Variants in TTC28 observed in about 807,000 individuals in gnomAD.
TTC28 encodes the protein tetratricopeptide repeat protein 28.
A neutral mutation model predicts 198.0 loss-of-function variants in TTC28; 61 were observed. That is an observed-to-expected ratio of 0.31 (90% CI 0.25 to 0.38). The LOEUF is 0.38. Ranked by LOEUF, TTC28 falls within the 10% of genes least tolerant of loss-of-function variation. TTC28 has a pLI of 1.00. For synonymous variants in TTC28, 1,171 were observed against 1,297.8 expected (o/e 0.90, Z 2.10); for missense variants, 2,678 against 3,164.0 (o/e 0.85, Z 3.69).
chr22:28,037,148 TC>T (rs1439129531), intron 12 of TTC28, among the ~76,000 whole-genome samples: 2 of 152,172 alleles, frequency 1.3e-5, no homozygotes, highest in African/African-American at 4.8e-5. Context: ...AAAGAGGGAA[TC>T]CTCCCTAACT....
At chr22:28,579,294 T>C (rs570058437) in intron 2 of TTC28, among the ~76,000 whole-genome samples, 7 of 149,718 alleles carry the variant, frequency 4.7e-5, no homozygotes, top group Admixed American at 3.3e-4. Context: ...TATACGTATA[T>C]AGCTATATAT....
chr22:28,322,028 C>G (rs1439001708), intron 2 of TTC28, among the ~76,000 whole-genome samples: 1 of 152,110 alleles, frequency 6.6e-6, no homozygotes, highest in Non-Finnish European at 1.5e-5. Context: ...GACAGGGTTT[C>G]ACCATATTGG....
chr22:28,172,593 G>C (rs527741971), intron 5 of TTC28, among the ~76,000 whole-genome samples: 1 of 152,178 alleles, frequency 6.6e-6, no homozygotes, highest in Non-Finnish European at 1.5e-5. Flanking sequence ...TGAACATAAG[G>C]AAGGGAATAT....
At chr22:28,610,833 C>G (rs1213077096) in intron 2 of TTC28, among the ~76,000 whole-genome samples, 1 of 151,996 alleles carries the variant, frequency 6.6e-6, no homozygotes, top group African/African-American at 2.4e-5. Flanking sequence ...GAAAAAAGGT[C>G]AGACAAATTG....
chr22:28,360,807 T>TGG, intron 2 of TTC28, among the ~76,000 whole-genome samples: 1 of 152,340 alleles, frequency 6.6e-6, no homozygotes, highest in East Asian at 1.9e-4. Flanking sequence ...GCAAGTCTAT[T>TGG]GGCACCATTT....
chr22:28,465,344 G>T (rs1490677662), intron 2 of TTC28, among the ~76,000 whole-genome samples: 1 of 151,814 alleles, frequency 6.6e-6, no homozygotes, highest in African/African-American at 2.4e-5. Flanking sequence ...CCTTATCCTG[G>T]GCCGGGCACC....
intron 2 of TTC28, among the ~76,000 whole-genome samples, chr22:28,502,335 C>T (rs544197604): frequency 1.3e-5 from 2 of 152,142 alleles, no homozygotes; most frequent in Admixed American, 1.3e-4. Context: ...AGGATCCTTT[C>T]TGAAGAAATT....
At chr22:28,631,367 T>G (rs986616320) in intron 1 of TTC28, among the ~76,000 whole-genome samples, 1 of 152,214 alleles carries the variant, frequency 6.6e-6, no homozygotes, top group African/African-American at 2.4e-5. Context: ...TTTTGAAGAC[T>G]AGCAAAAACT....
intron 2 of TTC28, among the ~76,000 whole-genome samples, chr22:28,619,704 T>C (rs1355933750): frequency 1.3e-5 from 2 of 152,234 alleles, no homozygotes; most frequent in South Asian, 2.1e-4. Context: ...TGTTGTAACA[T>C]GTCTGAACAG....
intron 2 of TTC28, among the ~76,000 whole-genome samples, chr22:28,618,390 G>A (rs2050935903): frequency 1.3e-5 from 2 of 151,902 alleles, no homozygotes; most frequent in South Asian, 4.2e-4. Context: ...ACATCTAAAT[G>A]AAAAAACCAG....
chr22:28,662,208 T>C (rs1019093496), intron 1 of TTC28, among the ~76,000 whole-genome samples: 1 of 152,224 alleles, frequency 6.6e-6, no homozygotes, highest in Non-Finnish European at 1.5e-5. Context: ...AACATAACCT[T>C]AAACCTCACA....
intron 1 of TTC28, among the ~76,000 whole-genome samples, chr22:28,633,976 T>C (rs1296589913): frequency 2.6e-5 from 4 of 152,088 alleles, no homozygotes; most frequent in Non-Finnish European, 4.4e-5. Flanking sequence ...CTAAGGCCTC[T>C]AAGAGCAAAG....
rs181316281 is a variant in TTC28, at chr22:28,531,451, A to T, written c.381+98101T>A. 6.6e-5 allele frequency among the ~76,000 whole-genome samples: 10 copies of T among 152,282 alleles called. No homozygotes were observed. The East Asian group carries it at 1.2e-3, about 18-fold the overall frequency. On this transcript the variant is annotated intron_variant, in intron 2 of 22. Transcript: ENST00000397906. ...ACAAAGAGACTTAGACTCCCACACA[A>T]TAATAATGGGAGATTTTAACACCCC...
At chr22:28,617,787 TGACA>T (rs1000931713) in intron 2 of TTC28, among the ~76,000 whole-genome samples, 3 of 152,194 alleles carry the variant, frequency 2.0e-5, no homozygotes, top group African/African-American at 7.2e-5. Flanking sequence ...TGCTGGATGA[TGACA>T]GACACATGGC....
chr22:28,581,503 A>G (rs1043107554), intron 2 of TTC28, among the ~76,000 whole-genome samples: 14 of 152,254 alleles, frequency 9.2e-5, no homozygotes, highest in African/African-American at 2.7e-4. Context: ...TTCAGTGAAG[A>G]AAAGTCTAAA....
At position 28,196,718 on chromosome 22, in the gene TTC28, G is replaced by A. The variant is rs185161763; in HGVS notation, c.934-33119C>T. The stretch of plus-strand genomic sequence containing the variant: ...CATCATCATTGGCCATCAGAGAAAT[G>A]CAAATCAAAACCACACCAGTTAGTA... On this transcript the variant is annotated intron_variant, in intron 5 of 22. Coordinates refer to ENST00000397906, the MANE Select transcript of TTC28 (RefSeq NM_001145418.2). Among the ~76,000 whole-genome samples the A allele has an allele frequency of 1.1e-3, 163 of 152,286 alleles. 1 individual carries two copies. The highest frequency in any genetic ancestry group is 3.7e-3 in the African/African-American group (153 of 41,570).
At chr22:28,325,044 A>C (rs1399234268) in intron 2 of TTC28, among the ~76,000 whole-genome samples, 1 of 139,678 alleles carries the variant, frequency 7.2e-6, no homozygotes, top group East Asian at 2.2e-4. Flanking sequence ...TCGTTTCACA[A>C]GGAATGGTAC....
chr22:28,047,462 ACG>A (rs1408613862), intron 12 of TTC28, among the ~76,000 whole-genome samples: 1 of 152,176 alleles, frequency 6.6e-6, no homozygotes, highest in Non-Finnish European at 1.5e-5. Context: ...GCACAGCCAG[ACG>A]CCAAGGGCTG....
chr22:28,335,880 A>C (rs538501529), intron 2 of TTC28, among the ~76,000 whole-genome samples: 1 of 152,310 alleles, frequency 6.6e-6, no homozygotes, highest in East Asian at 1.9e-4. Flanking sequence ...ACTATGTTGA[A>C]TAGGAGTGGT....
Sources: gnomAD v4.1 joint callset for allele counts (sites outside exome capture counted in the v4.1 genomes callset) on GRCh38, gnomAD v4.1.1 for gene constraint, MANE v1.5 for transcripts, NCBI Gene and HGNC (gene_info 2026-07-23, HGNC 2026-07-21) for gene names.